SHB: variants seen among roughly 807,000 people sequenced by gnomAD.
SHB encodes the protein SH2 domain-containing adapter protein B.
Under a neutral mutation model 52.3 loss-of-function variants are expected in SHB, and 20 were observed. The observed-to-expected ratio is 0.38, with a 90% confidence interval of 0.27 to 0.56. The LOEUF is 0.56. SHB is among the 20% of genes least tolerant of loss of function. SHB has a pLI of 0.71. For synonymous variants in SHB, 397 were observed against 316.5 expected, an observed-to-expected ratio of 1.25 and a Z score of -2.70; for missense variants, 825 against 723.3, an observed-to-expected ratio of 1.14 and a Z score of -1.61.
At chr9:37,961,346 C>T (rs186115592) in intron 3 of SHB, among the ~76,000 whole-genome samples, 1 of 152,304 alleles carries the variant, frequency 6.6e-6, no homozygotes, top group East Asian at 1.9e-4. Context: ...TAAATGTGTT[C>T]CTTCAGGGTG....
At chr9:37,991,650 C>G (rs891184997) in intron 2 of SHB, among the ~76,000 whole-genome samples, 2 of 152,298 alleles carry the variant, frequency 1.3e-5, no homozygotes, top group Non-Finnish European at 1.5e-5. Context: ...AAGGACAGGC[C>G]TAATGACTTT....
In SHB at chr9:37,919,869, C is replaced by T. The variant is rs546078871; in HGVS notation, c.1482G>A (p.Gly494=). Residue 494 remains glycine, a synonymous_variant, in exon 6 of 6, where the codon GGG becomes GGA. Transcript: ENST00000377707. The part of the protein sequence containing the change: ...YYTTRKLPIK[G]AEHLSLLYPV... The stretch of plus-strand genomic sequence containing the variant: ...GATAGAGGAGGGACAAGTGCTCAGC[C>T]CCTTTGATGGGTAGCTTTCTGGTGG... 1.2e-6 allele frequency: 2 copies of T among 1,614,122 alleles called. No individual in the cohort carries two copies. Among genetic ancestry groups the T allele is most frequent in the African/African-American group, 1.3e-5 (1 of 75,034 alleles).
At chr9:37,998,168 A>C (rs1481795283) in intron 2 of SHB, among the ~76,000 whole-genome samples, 1 of 146,352 alleles carries the variant, frequency 6.8e-6, no homozygotes, top group East Asian at 2.0e-4. Context: ...GCTCTGAGTT[A>C]CGATTCCAAG....
chr9:37,975,924 C>G (rs10738990), intron 2 of SHB, among the ~76,000 whole-genome samples: 1 of 151,976 alleles, frequency 6.6e-6, no homozygotes, highest in Non-Finnish European at 1.5e-5. Flanking sequence ...GGGGTGGCTT[C>G]CTGGTGGTAG....
chr9:37,944,166 A>G (rs1832465953), intron 5 of SHB, among the ~76,000 whole-genome samples: 1 of 152,198 alleles, frequency 6.6e-6, no homozygotes. Context: ...AGAATCGCCG[A>G]AGACGATTCA....
chr9:37,983,612 C>T (rs1275394753), intron 2 of SHB, among the ~76,000 whole-genome samples: 1 of 152,162 alleles, frequency 6.6e-6, no homozygotes, highest in South Asian at 2.1e-4. Context: ...GGAATCCATA[C>T]CACTCCCTAA....
chr9:38,004,401 C>T lies in SHB; in HGVS notation c.838+11610G>A, dbSNP rs373067504. Among the ~76,000 whole-genome samples, 554 of 152,218 alleles carry T rather than the reference C, an allele frequency of 3.6e-3. 3 individuals carry two copies. Among genetic ancestry groups the T allele is most frequent in the African/African-American group, 0.013 (525 of 41,542 alleles). On this transcript the variant is annotated intron_variant, in intron 2 of 5. Coordinates refer to ENST00000377707, the MANE Select transcript of SHB (RefSeq NM_003028.3). ...TGCGTGGGACTCGGAAGGGAAGGGC[C>T]GCGGTGGAGCTGAGTGAATAAAGAT... is the stretch of plus-strand genomic sequence containing the variant.
intron 3 of SHB, among the ~76,000 whole-genome samples, chr9:37,963,927 AT>A (rs1413806406): frequency 6.6e-6 from 1 of 152,220 alleles, no homozygotes; most frequent in Non-Finnish European, 1.5e-5. Context: ...CAAAACAAGT[AT>A]TAGAATTCCC....
chr9:38,036,607 G>C (rs2118127854), intron 1 of SHB, among the ~76,000 whole-genome samples: 1 of 152,328 alleles, frequency 6.6e-6, no homozygotes, highest in South Asian at 2.1e-4. Context: ...AGACAGGGCA[G>C]ACCCAGGCAT....
At chr9:37,973,149 C>T (rs896631867) in intron 3 of SHB, among the ~76,000 whole-genome samples, 1 of 152,238 alleles carries the variant, frequency 6.6e-6, no homozygotes, top group Non-Finnish European at 1.5e-5. Flanking sequence ...CACACAGACG[C>T]ACAGAAATCC....
In SHB at chr9:38,055,792, C is replaced by G. The variant is rs73439931; in HGVS notation, c.717+12137G>C. 5.5e-3 allele frequency among the ~76,000 whole-genome samples: 833 copies of G among 152,194 alleles called. 10 individuals carry two copies. Among genetic ancestry groups the G allele is most frequent in the African/African-American group, 0.019 (783 of 41,500 alleles). On this transcript the variant is annotated intron_variant, in intron 1 of 5. Transcript: ENST00000377707. Reference sequence around the variant, plus strand: ...CCCACTCTGTGAAAACTGAAACACTCGCTTGGCTCAAGCCACATGGGCAGG... The same window carrying G: ...CCCACTCTGTGAAAACTGAAACACTGGCTTGGCTCAAGCCACATGGGCAGG...
intron 2 of SHB, among the ~76,000 whole-genome samples, chr9:37,992,868 CACACACACACAA>C: frequency 7.9e-6 from 1 of 125,970 alleles, no homozygotes; most frequent in Non-Finnish European, 1.8e-5. Context: ...TATATGCATG[CACACACACACAA>C]ACACACACAC....
At chr9:37,975,481 A>G (rs1480852969) in intron 2 of SHB, among the ~76,000 whole-genome samples, 3 of 152,202 alleles carry the variant, frequency 2.0e-5, no homozygotes, top group African/African-American at 7.2e-5. Flanking sequence ...TGAATAAAGA[A>G]AGCAAGCTCT....
At chr9:38,001,994 T>A (rs1821020048) in intron 2 of SHB, among the ~76,000 whole-genome samples, 1 of 152,114 alleles carries the variant, frequency 6.6e-6, no homozygotes, top group Non-Finnish European at 1.5e-5. Flanking sequence ...GCACAGACTC[T>A]TTTTAATGGA....
Position 37,972,206 on chromosome 9 carries a change from C to T in SHB, c.1054+2416G>A, listed in dbSNP as rs181108623. Among the ~76,000 whole-genome samples the T allele has an allele frequency of 2.4e-4, 36 of 152,318 alleles. 1 individual carries two copies. The highest frequency in any genetic ancestry group is 8.4e-4 in the African/African-American group (35 of 41,580). On this transcript the variant is annotated intron_variant, in intron 3 of 5. Coordinates refer to ENST00000377707, the MANE Select transcript of SHB (RefSeq NM_003028.3). The stretch of plus-strand genomic sequence containing the variant: ...TCCTCGGTGTCTGGGAAAGTTGTCA[C>T]ATGAGCCTTTTTAGCCCTTTAATCA...
At chr9:37,971,709 A>G (rs1163201616) in intron 3 of SHB, among the ~76,000 whole-genome samples, 1 of 152,210 alleles carries the variant, frequency 6.6e-6, no homozygotes, top group Non-Finnish European at 1.5e-5. Flanking sequence ...ACTGACCGTG[A>G]CACCTGTGAT....
At chr9:38,041,520 C>A (rs534535300) in intron 1 of SHB, among the ~76,000 whole-genome samples, 1 of 152,020 alleles carries the variant, frequency 6.6e-6, no homozygotes, top group East Asian at 1.9e-4. Flanking sequence ...AGGAGAAGGG[C>A]ATGCCTGCTT....
chr9:38,025,264 G>GCC (rs1226907197), intron 1 of SHB, among the ~76,000 whole-genome samples: 1 of 152,122 alleles, frequency 6.6e-6, no homozygotes, highest in Non-Finnish European at 1.5e-5. Flanking sequence ...CACTGACTTA[G>GCC]CCGCCCCTCA....
chr9:37,973,696 C>T (rs918882503), intron 3 of SHB, among the ~76,000 whole-genome samples: 6 of 152,264 alleles, frequency 3.9e-5, no homozygotes, highest in Non-Finnish European at 7.4e-5. Context: ...GAAAAACCAG[C>T]CTTTGAGTAG....
Sources: allele counts gnomAD v4.1 joint callset (sites outside exome capture counted in the v4.1 genomes callset), GRCh38; gene constraint gnomAD v4.1.1; transcripts MANE v1.5; gene names NCBI Gene and HGNC (gene_info 2026-07-23, HGNC 2026-07-21).